The following ANKS1B variants were observed in gnomAD, a reference collection of about 807,000 sequenced individuals.
ANKS1B encodes ankyrin repeat and sterile alpha motif domain-containing protein 1B.
A neutral mutation model predicts 148.3 loss-of-function variants in ANKS1B; 36 were observed. The ratio of observed to expected loss-of-function variants is 0.24; its 90% confidence interval spans 0.19 to 0.32. The LOEUF is 0.32. ANKS1B is among the 10% of genes least tolerant of loss of function. The probability of loss-of-function intolerance (pLI) is 1.00; values close to 1 mark genes in which losing one functional copy is unlikely to be tolerated. For synonymous variants in ANKS1B, 542 were observed against 560.8 expected, an observed-to-expected ratio of 0.97 and a Z score of 0.47; for missense variants, 1,157 against 1,542.6, an observed-to-expected ratio of 0.75 and a Z score of 4.19.
intron 17 of ANKS1B, among the ~76,000 whole-genome samples, chr12:98,987,508 A>C (rs1244923652): frequency 6.6e-5 from 10 of 152,192 alleles, no homozygotes; most frequent in African/African-American, 2.4e-4. Flanking sequence ...GCTTATTTAC[A>C]AAGTGACCAG....
At chr12:98,761,531 T>C (rs1249752688) in intron 25 of ANKS1B, among the ~76,000 whole-genome samples, 1 of 152,184 alleles carries the variant, frequency 6.6e-6, no homozygotes, top group African/African-American at 2.4e-5. Context: ...ATGGTCTGTA[T>C]ATTGATGCTA....
intron 17 of ANKS1B, among the ~76,000 whole-genome samples, chr12:98,917,713 C>T (rs2099796284): frequency 6.6e-6 from 1 of 152,130 alleles, no homozygotes; most frequent in South Asian, 2.1e-4. Flanking sequence ...TAGTGAGTAG[C>T]CCTTATCTGG....
intron 10 of ANKS1B, among the ~76,000 whole-genome samples, chr12:99,449,355 C>T (rs995038911): frequency 2.6e-5 from 4 of 152,094 alleles, no homozygotes; most frequent in South Asian, 2.1e-4. Context: ...ACAAGATACA[C>T]ATTTAAATAT....
chr12:99,355,531 C>T (rs9943727), intron 12 of ANKS1B, among the ~76,000 whole-genome samples: 47,797 of 151,940 alleles, frequency 0.31, 8,429 homozygotes, highest in East Asian at 0.49. Flanking sequence ...AGCCTCACTG[C>T]CCTGCAAAAA....
chr12:99,424,684 CT>C (rs1207525963), intron 11 of ANKS1B, among the ~76,000 whole-genome samples: 1 of 151,208 alleles, frequency 6.6e-6, no homozygotes, highest in Admixed American at 6.6e-5. Context: ...TTTAACTTGT[CT>C]ATCTATCTAT....
At chr12:98,984,612 C>T (rs2153233260) in intron 17 of ANKS1B, among the ~76,000 whole-genome samples, 1 of 152,284 alleles carries the variant, frequency 6.6e-6, no homozygotes, top group African/African-American at 2.4e-5. Context: ...CATAACAAGA[C>T]TCTCCCTTCC....
At chr12:99,469,375 G>T (rs1238988911) in intron 10 of ANKS1B, among the ~76,000 whole-genome samples, 2 of 151,648 alleles carry the variant, frequency 1.3e-5, no homozygotes, top group Non-Finnish European at 2.9e-5. Flanking sequence ...CACCAGCATG[G>T]CACATGTATA....
chr12:98,739,821 T>A (rs925820506), downstream of ANKS1B, among the ~76,000 whole-genome samples: 3 of 152,142 alleles, frequency 2.0e-5, no homozygotes, highest in Non-Finnish European at 4.4e-5. Flanking sequence ...TCGTCCCAGT[T>A]ACAAACCCCC....
At chr12:99,618,887 G>T (rs1267288387) in intron 9 of ANKS1B, among the ~76,000 whole-genome samples, 1 of 152,038 alleles carries the variant, frequency 6.6e-6, no homozygotes, top group African/African-American at 2.4e-5. Context: ...GGCTGCTCTG[G>T]AACAGGCTAG....
intron 7 of ANKS1B, among the ~76,000 whole-genome samples, chr12:99,775,174 T>TCAC (rs904414454): frequency 6.6e-6 from 1 of 152,108 alleles, no homozygotes; most frequent in Non-Finnish European, 1.5e-5. Context: ...AAATAAAAAA[T>TCAC]ACTATGTGAG....
intron 8 of ANKS1B, among the ~76,000 whole-genome samples, chr12:99,682,339 C>G (rs2098625336): frequency 6.6e-6 from 1 of 152,122 alleles, no homozygotes; most frequent in South Asian, 2.1e-4. Flanking sequence ...GGAACATTTT[C>G]CAAGATAGAC....
At chr12:99,459,562 T>C (rs1382753951) in intron 10 of ANKS1B, among the ~76,000 whole-genome samples, 1 of 152,012 alleles carries the variant, frequency 6.6e-6, no homozygotes, top group Non-Finnish European at 1.5e-5. Flanking sequence ...TCAGCAAAGT[T>C]TCAGGATACA....
At chr12:99,925,867 A>G (rs1290853669) in intron 1 of ANKS1B, among the ~76,000 whole-genome samples, 2 of 152,240 alleles carry the variant, frequency 1.3e-5, no homozygotes, top group Non-Finnish European at 2.9e-5. Flanking sequence ...AATTTTTCAT[A>G]TACTGAAACA....
intron 17 of ANKS1B, chr12:99,048,683 C>T (rs1183650659): frequency 6.6e-6 from 1 of 152,596 alleles, no homozygotes; most frequent in Non-Finnish European, 1.5e-5. Context: ...CCATCACCAC[C>T]CTCCAGAACA....
intron 17 of ANKS1B, among the ~76,000 whole-genome samples, chr12:98,850,451 A>T (rs2099516588): frequency 7.3e-6 from 1 of 136,810 alleles, no homozygotes; most frequent in Admixed American, 7.7e-5. Flanking sequence ...AGACCAGAGA[A>T]GCATTGCATT....
intron 15 of ANKS1B, among the ~76,000 whole-genome samples, chr12:99,096,605 T>C (rs1409321699): frequency 6.6e-6 from 1 of 152,142 alleles, no homozygotes; most frequent in Non-Finnish European, 1.5e-5. Flanking sequence ...CCACTAATTG[T>C]CCTTGGGTTG....
intron 1 of ANKS1B, among the ~76,000 whole-genome samples, chr12:99,855,345 T>G (rs1328940366): frequency 6.6e-6 from 1 of 152,014 alleles, no homozygotes; most frequent in East Asian, 1.9e-4. Flanking sequence ...AAAGAACTAG[T>G]CCAACAGGAA....
At chr12:99,738,081 G>T (rs1327964642) in intron 8 of ANKS1B, among the ~76,000 whole-genome samples, 1 of 152,126 alleles carries the variant, frequency 6.6e-6, no homozygotes, top group Non-Finnish European at 1.5e-5. Context: ...ACAGAATGCT[G>T]TAAAGCAGGC....
intron 3 of ANKS1B, among the ~76,000 whole-genome samples, chr12:99,809,565 G>A (rs1264414745): frequency 1.3e-5 from 2 of 152,048 alleles, no homozygotes; most frequent in African/African-American, 2.4e-5. Flanking sequence ...TTAGAATGGT[G>A]AACAAGACCT....
Sources: allele counts gnomAD v4.1 joint callset (sites outside exome capture counted in the v4.1 genomes callset), GRCh38; gene constraint gnomAD v4.1.1; transcripts MANE v1.5; gene names NCBI Gene and HGNC (gene_info 2026-07-23, HGNC 2026-07-21).